SCRT2: variants seen among roughly 807,000 people sequenced by gnomAD.
The protein encoded by SCRT2 is scratch family transcriptional repressor 2.
A neutral mutation model predicts 3.7 loss-of-function variants in SCRT2; 2 were observed. The ratio of observed to expected loss-of-function variants is 0.54; its 90% CI spans 0.22 to 1.70. SCRT2 has a LOEUF of 1.70. Among genes scored for constraint, SCRT2 ranks in the 40% most tolerant of loss-of-function variants. The pLI is 0.19. For synonymous variants in SCRT2, 256 were observed against 220.6 expected, an observed-to-expected ratio of 1.16 and a Z score of -1.42; for missense variants, 456 against 468.5, an observed-to-expected ratio of 0.97 and a Z score of 0.25.
intron 1 of SCRT2, among the ~76,000 whole-genome samples, chr20:668,690 C>T (rs999075450): frequency 9.9e-5 from 15 of 152,202 alleles, no homozygotes; most frequent in African/African-American, 3.6e-4. Context: ...CTTTGGTTTT[C>T]CCTGCCCAAG....
Position 663,664 on chromosome 20 carries a change from G to A in SCRT2, c.*7C>T, listed in dbSNP as rs1246417376. On this transcript the variant is annotated 3_prime_UTR_variant, in exon 2 of 2. Coordinates refer to ENST00000246104, the MANE Select transcript of SCRT2 (RefSeq NM_033129.4). The surrounding 1 kb of genome is among the most constrained non-coding windows in gnomAD (Gnocchi z 6.9). ...CGAGTTCCGGGCGCGAGGGCGAGGC[G>A]GAAGGCTCAGCTGGCCGGGCCGGCG... The A allele has an allele frequency of 6.9e-7, 1 of 1,444,600 alleles. No individual in the cohort carries two copies. The highest frequency in any genetic ancestry group is 9.1e-7 in the Non-Finnish European group (1 of 1,102,994). 89.5% of individuals were successfully genotyped at this position (1,444,600 alleles called of 1,614,324 possible). A position where few individuals can be genotyped will look rare whatever the true frequency, so the allele number is the denominator to read the frequency against.
At chr20:671,485 T>C (rs1169317805) in intron 1 of SCRT2, among the ~76,000 whole-genome samples, 1 of 152,226 alleles carries the variant, frequency 6.6e-6, no homozygotes, top group African/African-American at 2.4e-5. Context: ...CTCCCCAGCC[T>C]TCTCTGTGCT....
chr20:674,397 TCTCACACACACACA>T (rs769324744), intron 1 of SCRT2, among the ~76,000 whole-genome samples: 8 of 96,150 alleles, frequency 8.3e-5, no homozygotes, highest in Non-Finnish European at 9.0e-5. Context: ...TCTCTCTCTC[TCTCACACACACACA>T]CACACACACA....
rs956781699 is a variant in SCRT2 at position 664,710 on chromosome 20, G to C, written c.134-249C>G. 7.2e-5 allele frequency among the ~76,000 whole-genome samples: 11 copies of C among 152,208 alleles called. No homozygotes were observed. In the East Asian group the frequency reaches 1.7e-3, roughly 24 times the overall value. On this transcript the variant is annotated intron_variant, in intron 1 of 1. Coordinates refer to ENST00000246104, the MANE Select transcript of SCRT2 (RefSeq NM_033129.4). This position sits in a 1 kb window ranked among gnomAD's most constrained non-coding sequence, Gnocchi z 7.9. ...TGGGGCCAGCACGGTTGTACAGAGC[G>C]TACCTTCACTATCCAGTGCTCACAA...
Position 675,125 on chromosome 20 carries a change from A to C in SCRT2, c.133+344T>G, listed in dbSNP as rs1229041877. On this transcript the variant is annotated intron_variant, in intron 1 of 1. Coordinates refer to ENST00000246104, the MANE Select transcript of SCRT2 (RefSeq NM_033129.4). This position sits in a 1 kb window ranked among gnomAD's most constrained non-coding sequence, Gnocchi z 6.9. The stretch of plus-strand genomic sequence containing the variant: ...CTCAACGGGGGAGAGGGAACCCTCA[A>C]AGTGCCTTGTGCCTCAGTGCCCAGC... Among the ~76,000 whole-genome samples, 1 of 152,020 alleles carries C rather than the reference A, an allele frequency of 6.6e-6. No homozygotes were observed. Among genetic ancestry groups the C allele is most frequent in the Non-Finnish European group, 1.5e-5 (1 of 67,968 alleles).
chr20:667,313 A>G lies in SCRT2; in HGVS notation c.134-2852T>C, dbSNP rs145064778. 7.8e-3 allele frequency among the ~76,000 whole-genome samples: 1,189 copies of G among 152,310 alleles called. 14 individuals are homozygous for G. Among genetic ancestry groups the G allele is most frequent in the African/African-American group, 0.027 (1,112 of 41,576 alleles). ...TAACAAGCCTAAGATTGTGCAGCTG[A>G]TAAGTTAGAGCCAGGATTCCAGCTC... On this transcript the variant is annotated intron_variant, in intron 1 of 1. Coordinates refer to ENST00000246104, the MANE Select transcript of SCRT2 (RefSeq NM_033129.4). The surrounding 1 kb of genome is among the most constrained non-coding windows in gnomAD (Gnocchi z 4.4).
At chr20:671,573 G>C (rs1984331866) in intron 1 of SCRT2, among the ~76,000 whole-genome samples, 1 of 152,244 alleles carries the variant, frequency 6.6e-6, no homozygotes, top group South Asian at 2.1e-4. Context: ...GAATGGATGT[G>C]TGGCAGCTGG....
At chr20:674,056 G>A (rs1984430330) in intron 1 of SCRT2, among the ~76,000 whole-genome samples, 1 of 152,114 alleles carries the variant, frequency 6.6e-6, no homozygotes, top group Non-Finnish European at 1.5e-5. Flanking sequence ...GTAGAATAAG[G>A]GACATGTGGG....
At position 666,531 on chromosome 20, in the gene SCRT2, T is replaced by C. The variant is rs1360847088; in HGVS notation, c.134-2070A>G. 6.6e-6 allele frequency among the ~76,000 whole-genome samples: 1 copy of C among 152,186 alleles called. No homozygotes were observed. Among genetic ancestry groups the C allele is most frequent in the East Asian group, 1.9e-4 (1 of 5,202 alleles). ...TCTCACTGAATCATCACAAAACTACTCTCATCACAGATAAGGAAACTGAGG... is the reference window on the plus strand; with the variant it reads ...TCTCACTGAATCATCACAAAACTACCCTCATCACAGATAAGGAAACTGAGG... On this transcript the variant is annotated intron_variant, in intron 1 of 1. Transcript: ENST00000246104. The surrounding 1 kb of genome is among the most constrained non-coding windows in gnomAD (Gnocchi z 4.4).
Position 663,696 on chromosome 20 carries a change from G to C in SCRT2, c.899C>G (p.Pro300Arg). ...ACAKAAEPPP[P>R]TPAGPAS ...TCAGCTGGCCGGGCCGGCGGGGGTCGGCGGGGGTGGCTCGGCCGCCTTGGC... is the reference window on the plus strand; with the variant it reads ...TCAGCTGGCCGGGCCGGCGGGGGTCCGCGGGGGTGGCTCGGCCGCCTTGGC... The change falls in exon 2 of 2, where the codon CCG (proline) becomes CGG (arginine). Residue 300 changes from proline (P) to arginine (R), a missense_variant. Pro to Arg is a moderately radical substitution (Grantham distance 103). Coordinates refer to ENST00000246104, the MANE Select transcript of SCRT2 (RefSeq NM_033129.4). This position sits in a 1 kb window ranked among gnomAD's most constrained non-coding sequence, Gnocchi z 6.9. 5 of 1,511,572 alleles carry C rather than the reference G, an allele frequency of 3.3e-6. No individual in the cohort carries two copies. The South Asian group carries it at 4.9e-5, about 15-fold the overall frequency. 93.6% of individuals were successfully genotyped at this position (1,511,572 alleles called of 1,614,324 possible). A position where few individuals can be genotyped will look rare whatever the true frequency, so the allele number is the denominator to read the frequency against.
At position 672,427 on chromosome 20, in the gene SCRT2, G is replaced by A. The variant is rs558999923; in HGVS notation, c.133+3042C>T. Among the ~76,000 whole-genome samples the A allele has an allele frequency of 1.6e-4, 25 of 151,716 alleles. 1 individual carries two copies. In the South Asian group the frequency reaches 4.6e-3, roughly 28 times the overall value. On this transcript the variant is annotated intron_variant, in intron 1 of 1. Coordinates refer to ENST00000246104, the MANE Select transcript of SCRT2 (RefSeq NM_033129.4). ...TGTGTGTGTGTGTGTGTGTGTGCGC[G>A]CGTGCGTGTGTGTGTATGGAGGAGG...
At chr20:670,334 C>G (rs13042302) in intron 1 of SCRT2, among the ~76,000 whole-genome samples, 22 of 152,012 alleles carry the variant, frequency 1.4e-4, no homozygotes, top group Non-Finnish European at 2.9e-4. Flanking sequence ...TCTGCTCTGC[C>G]GCCTCTCTCT....
rs573752839 is a variant in SCRT2, at chr20:665,467, TC to T, written c.134-1007del. On this transcript the variant is annotated intron_variant, in intron 1 of 1. Coordinates refer to ENST00000246104, the MANE Select transcript of SCRT2 (RefSeq NM_033129.4). This position sits in a 1 kb window ranked among gnomAD's most constrained non-coding sequence, Gnocchi z 5.0. Reference sequence around the variant, plus strand: ...CGGAAGTCCGCAGTGAGAATTCCCCTCCCCCTCCTCCTCCCACTTAGCTGGA... The same window carrying T: ...CGGAAGTCCGCAGTGAGAATTCCCCTCCCCTCCTCCTCCCACTTAGCTGGA... Among the ~76,000 whole-genome samples the T allele has an allele frequency of 1.7e-3, 259 of 152,180 alleles. No homozygotes were observed. Among genetic ancestry groups the T allele is most frequent in the African/African-American group, 6.0e-3 (248 of 41,532 alleles).
In SCRT2 at chr20:664,212, TC is replaced by T; in HGVS notation, c.382del (p.Asp128ThrfsTer43). 8.5e-7 allele frequency: 1 copy of T among 1,178,358 alleles called. No individual in the cohort carries two copies. The allele number at this position is 1,178,358 out of a possible 1,614,324, so 73.0% of individuals were successfully genotyped here. ...CCCCGCGTCTCCCGAGCCCCCCGCG[TC>T]CCCGCCGCCCCCGCCCCGCCGCCGC... ...SRRRRGGGGG[D>X]AGGSGDAGGA... On this transcript the variant is annotated frameshift_variant, in exon 2 of 2. Transcript: ENST00000246104. LOFTEE classifies it low-confidence loss of function (END_TRUNC). This position sits in a 1 kb window ranked among gnomAD's most constrained non-coding sequence, Gnocchi z 7.9.
chr20:663,083 A>AGAG lies in SCRT2; in HGVS notation c.*587_*588insCTC, dbSNP rs1349852747. On this transcript the variant is annotated 3_prime_UTR_variant, in exon 2 of 2. Transcript: ENST00000246104. This position sits in a 1 kb window ranked among gnomAD's most constrained non-coding sequence, Gnocchi z 6.9. ...GATCAGGGACAGATCGGAGACTTCA[A>AGAG]GAAGGGTGAAGATTAGATCCCCAGA... 1 of 152,576 alleles carries AGAG rather than the reference A, an allele frequency of 6.6e-6. No homozygotes were observed. Among genetic ancestry groups the AGAG allele is most frequent in the Non-Finnish European group, 1.5e-5 (1 of 68,406 alleles). 9.5% of individuals were successfully genotyped at this position (152,576 alleles called of 1,614,324 possible).
At chr20:671,050 G>C (rs945177461) in intron 1 of SCRT2, among the ~76,000 whole-genome samples, 6 of 152,234 alleles carry the variant, frequency 3.9e-5, no homozygotes, top group Non-Finnish European at 5.9e-5. Context: ...GGCTAATGGT[G>C]AGTCTAAGAC....
At position 663,139 on chromosome 20, in the gene SCRT2, C is replaced by G. The variant is rs1367120966; in HGVS notation, c.*532G>C. 1 of 154,080 alleles carries G rather than the reference C, an allele frequency of 6.5e-6. No homozygotes were observed. Among genetic ancestry groups the G allele is most frequent in the Non-Finnish European group, 1.4e-5 (1 of 69,618 alleles). 9.5% of individuals were successfully genotyped at this position (154,080 alleles called of 1,614,324 possible). A position where few individuals can be genotyped will look rare whatever the true frequency, so the allele number is the denominator to read the frequency against. ...ACACTCTGGGAGATTCAGCAGAGGC[C>G]AGAGGGATGGTCTGGGGTTGGACTG... On this transcript the variant is annotated 3_prime_UTR_variant, in exon 2 of 2. Transcript: ENST00000246104. This position sits in a 1 kb window ranked among gnomAD's most constrained non-coding sequence, Gnocchi z 6.9.
Position 675,715 on chromosome 20 carries a change from C to T in SCRT2, c.-114G>A, listed in dbSNP as rs533367287. 66 of 719,742 alleles carry T rather than the reference C, an allele frequency of 9.2e-5. No homozygotes were observed. The highest frequency in any genetic ancestry group is 5.3e-4 in the Middle Eastern group (1 of 1,896). 44.6% of individuals were successfully genotyped at this position (719,742 alleles called of 1,614,324 possible). A position where few individuals can be genotyped will look rare whatever the true frequency, so the allele number is the denominator to read the frequency against. Reference sequence around the variant, plus strand: ...CCCAGCGGGCTGGAGCGCGGGAGGCCGCTCGGAGCCGGCACCGGTGGCGGC... The same window carrying T: ...CCCAGCGGGCTGGAGCGCGGGAGGCTGCTCGGAGCCGGCACCGGTGGCGGC... On this transcript the variant is annotated 5_prime_UTR_variant, in exon 1 of 2. Transcript: ENST00000246104. The surrounding 1 kb of genome is among the most constrained non-coding windows in gnomAD (Gnocchi z 6.9).
chr20:673,339 G>A (rs1426624907), intron 1 of SCRT2, among the ~76,000 whole-genome samples: 3 of 152,248 alleles, frequency 2.0e-5, no homozygotes, highest in Non-Finnish European at 4.4e-5. Flanking sequence ...CACAGAAGCT[G>A]AGCTTGTCAA....
Sources: allele counts gnomAD v4.1 joint callset (sites outside exome capture counted in the v4.1 genomes callset), GRCh38; gene constraint gnomAD v4.1.1; non-coding constraint Gnocchi (gnomAD v3.1); transcripts MANE v1.5; gene names NCBI Gene and HGNC (gene_info 2026-07-23, HGNC 2026-07-21).